Variants in MUC5AC observed in about 807,000 individuals in gnomAD.
MUC5AC encodes the protein mucin 5AC, oligomeric mucus/gel-forming.
In MUC5AC, 158 loss-of-function variants were observed where a neutral mutation model predicts 169.7. The observed-to-expected ratio is 0.93, with a 90% CI of 0.82 to 1.06. MUC5AC has a LOEUF of 1.06. MUC5AC is among the 50% of genes least tolerant of loss of function. MUC5AC has a pLI of 0.00. For missense variants in MUC5AC, 4,359 were observed against 3,089.9 expected, an observed-to-expected ratio of 1.41 and a Z score of -9.74; for synonymous variants, 1,975 against 1,237.0, an observed-to-expected ratio of 1.60 and a Z score of -12.52.
At chr11:1,159,664 C>G (rs982581222) in intron 1 of MUC5AC, among the ~76,000 whole-genome samples, 28 of 50,308 alleles carry the variant, frequency 5.6e-4, no homozygotes, top group Middle Eastern at 0.023. Flanking sequence ...GCGGGGCTGG[C>G]GTCTGGCCCC....
chr11:1,194,728 C>G (rs1861216626), intron 35 of MUC5AC, 58 bp downstream of exon 35: 1 of 698,212 alleles, frequency 1.4e-6, no homozygotes, highest in South Asian at 1.6e-5. Flanking sequence ...GGGTGCCGGG[C>G]AGGGGCGAGG....
chr11:1,160,600 C>T lies in MUC5AC; in HGVS notation c.74-12C>T. 1 of 1,604,260 alleles carries T rather than the reference C, an allele frequency of 6.2e-7. No individual in the cohort carries two copies. The highest frequency in any genetic ancestry group is 8.5e-7 in the Non-Finnish European group (1 of 1,178,242). On this transcript the variant is annotated splice_polypyrimidine_tract_variant and intron_variant, in intron 1 of 48. Coordinates refer to ENST00000621226, the MANE Select transcript of MUC5AC (RefSeq NM_001304359.2). ...CCTGCATCTGGGCTCAGCCCCCCTC[C>T]TCTTTCTGCAGGCCATGCCCAGGAT...
In MUC5AC at chr11:1,189,761, C is replaced by A; in HGVS notation, c.11616C>A (p.Ile3872=). Residue 3872 remains isoleucine (I), a synonymous_variant, in exon 31 of 49, where the codon ATC becomes ATA. Coordinates refer to ENST00000621226, the MANE Select transcript of MUC5AC (RefSeq NM_001304359.2). ...CCTCTGCTCCTACAGCCAGCACAAT[C>A]TCTGCCCCTACAACCAGCACAACCT... ...STTSAPTAST[I]SAPTTSTTSF... The A allele has an allele frequency of 3.0e-6, 2 of 677,612 alleles. No homozygotes were observed. Among genetic ancestry groups the A allele is most frequent in the Non-Finnish European group, 2.7e-6 (1 of 372,026 alleles). The allele number at this position is 677,612 out of a possible 1,614,324, so 42.0% of individuals were successfully genotyped here. A position where few individuals can be genotyped will look rare whatever the true frequency, so the allele number is the denominator to read the frequency against.
At position 1,160,670 on chromosome 11, in the gene MUC5AC, T is replaced by A. The variant is rs1413778174; in HGVS notation, c.132T>A (p.Pro44=). Residue 44 remains proline, a synonymous_variant, in exon 2 of 49, where the codon CCT becomes CCA. Transcript: ENST00000621226. ...SSYKHHPALS[P]IARGPSGVPL... The stretch of plus-strand genomic sequence containing the variant: ...ACAAGCACCACCCTGCCCTCTCTCC[T>A]ATCGCCCGGGGGCCCAGCGGTGAGT... 6.2e-7 allele frequency: 1 copy of A among 1,610,484 alleles called. No individual in the cohort carries two copies. The highest frequency in any genetic ancestry group is 1.7e-5 in the Admixed American group (1 of 59,952).
At chr11:1,179,409 TC>T (rs1247361968) in intron 26 of MUC5AC, among the ~76,000 whole-genome samples, 161 bp downstream of exon 26, 1 of 151,050 alleles carries the variant, frequency 6.6e-6, no homozygotes, top group Non-Finnish European at 1.5e-5. Flanking sequence ...GACAGAGGGG[TC>T]CCTGGCATGG....
chr11:1,185,600 C>T lies in MUC5AC; in HGVS notation c.7455C>T (p.Thr2485=). 1 of 729,392 alleles carries T rather than the reference C, an allele frequency of 1.4e-6. No homozygotes were observed. The highest frequency in any genetic ancestry group is 2.5e-6 in the Non-Finnish European group (1 of 399,690). 45.2% of individuals were successfully genotyped at this position (729,392 alleles called of 1,614,324 possible). Residue 2485 remains threonine, a synonymous_variant, in exon 31 of 49, where the codon ACC becomes ACT. Transcript: ENST00000621226. The stretch of plus-strand genomic sequence containing the variant: ...CCTCTGCCGCTACAACCAGCACAAC[C>T]TCTGGTCCTGAAACTACTCCTAGAC... ...STTSAATTST[T]SGPETTPRPV...
intron 1 of MUC5AC, 40 bp downstream of exon 1, chr11:1,158,112 G>T: frequency 6.5e-7 from 1 of 1,545,048 alleles, no homozygotes; most frequent in African/African-American, 1.4e-5. Flanking sequence ...GTCCTGGGTG[G>T]TGCGGTACTG....
chr11:1,195,101 G>T lies in MUC5AC; in HGVS notation c.15280G>T (p.Val5094Leu). ...SCSEMSGLWN[V>L]SIPDQPACHR... is the part of the protein sequence containing the mutation. ...CTCCGAGATGTCCGGCCTCTGGAAC[G>T]TGAGCATACCCGACCAGCCAGCCTG... The change falls in exon 36 of 49, where the codon GTG becomes TTG. Residue 5094 changes from valine (V) to leucine (L), a missense_variant. Transcript: ENST00000621226. 2 of 763,182 alleles carry T rather than the reference G, an allele frequency of 2.6e-6. No homozygotes were observed. The highest frequency in any genetic ancestry group is 1.7e-5 in the Admixed American group (1 of 58,820). The allele number at this position is 763,182 out of a possible 1,614,324, so 47.3% of individuals were successfully genotyped here. A position where few individuals can be genotyped will look rare whatever the true frequency, so the allele number is the denominator to read the frequency against.
chr11:1,190,776 T>A lies in MUC5AC; in HGVS notation c.12631T>A (p.Ser4211Thr). The change falls in exon 31 of 49, where the codon TCA becomes ACA. Residue 4211 changes from serine (S) to threonine (T), a missense_variant. By Grantham distance (58) the Ser-to-Thr change is moderately conservative. Coordinates refer to ENST00000621226, the MANE Select transcript of MUC5AC (RefSeq NM_001304359.2). ...CTCCACTCCACAGACCAGCAAAACC[T>A]CAGCTGCTACAAGCAGCACAACCTC... is the stretch of plus-strand genomic sequence containing the variant. ...TTSTPQTSKT[S>T]AATSSTTSGS... The A allele has an allele frequency of 9.9e-6, 7 of 709,176 alleles. No individual in the cohort carries two copies. The highest frequency in any genetic ancestry group is 1.8e-5 in the Non-Finnish European group (7 of 389,118). The allele number at this position is 709,176 out of a possible 1,614,324, so 43.9% of individuals were successfully genotyped here.
chr11:1,175,732 G>GCA (rs1288978247), intron 19 of MUC5AC, among the ~76,000 whole-genome samples: 3,931 of 110,136 alleles, frequency 0.036, 87 homozygotes, highest in Non-Finnish European at 0.057. Flanking sequence ...ACCCACTCAT[G>GCA]CACACACACC....
intron 43 of MUC5AC, among the ~76,000 whole-genome samples, chr11:1,198,656 G>T (rs1455576723): frequency 6.6e-6 from 1 of 152,170 alleles, no homozygotes; most frequent in Non-Finnish European, 1.5e-5. Flanking sequence ...CCAAGGGGGT[G>T]CAGCGTGGGG....
At chr11:1,193,160 C>T (rs1160398786) in intron 32 of MUC5AC, among the ~76,000 whole-genome samples, 178 bp downstream of exon 32, 1 of 152,250 alleles carries the variant, frequency 6.6e-6, no homozygotes, top group East Asian at 1.9e-4. Context: ...CCCTGGGCTT[C>T]CCAGGCACGT....
At position 1,158,024 on chromosome 11, in the gene MUC5AC, G is replaced by A. The variant is rs1371008683; in HGVS notation, c.25G>A (p.Ala9Thr). 1 of 1,606,576 alleles carries A rather than the reference G, an allele frequency of 6.2e-7. No individual in the cohort carries two copies. Among genetic ancestry groups the A allele is most frequent in the African/African-American group, 1.3e-5 (1 of 74,948 alleles). The stretch of plus-strand genomic sequence containing the variant: ...AATGAGTGTTGGCCGGAGGAAGCTG[G>A]CCCTGCTCTGGGCCCTGGCTCTCGC... MSVGRRKL[A>T]LLWALALALA... Residue 9 changes from alanine (A) to threonine (T), a missense_variant, in exon 1 of 49, where the codon GCC becomes ACC. Transcript: ENST00000621226.
Position 1,162,068 on chromosome 11 carries a change from A to G in MUC5AC, c.373A>G (p.Ser125Gly), listed in dbSNP as rs1860158592. ...GGATTTTAACATCCAGCTACGCCGC[A>G]GCCAGGAGTCAGCGGCCCCCACGCT... Reference protein sequence around the residue: ...YEDFNIQLRRSQESAAPTLSR... With the variant: ...YEDFNIQLRRGQESAAPTLSR... Residue 125 changes from serine to glycine, a missense_variant, in exon 4 of 49, where the codon AGC (serine) becomes GGC (glycine). Transcript: ENST00000621226. 1 of 1,612,554 alleles carries G rather than the reference A, an allele frequency of 6.2e-7. No individual in the cohort carries two copies. Among genetic ancestry groups the G allele is most frequent in the Middle Eastern group, 1.6e-4 (1 of 6,062 alleles).
intron 1 of MUC5AC, among the ~76,000 whole-genome samples, chr11:1,159,537 GCGGGGC>G (rs1860066549): frequency 4.1e-4 from 2 of 4,914 alleles, no homozygotes; most frequent in East Asian, 8.9e-3. Context: ...CTGGTTCTGT[GCGGGGC>G]TGTGCGGGGC....
chr11:1,162,563 C>G lies in MUC5AC; in HGVS notation c.505C>G (p.Leu169Val). The change falls in exon 5 of 49, where the codon CTC becomes GTC. Residue 169 changes from leucine to valine, a missense_variant. Leu to Val is a conservative substitution (Grantham distance 32, BLOSUM62 1). Transcript: ENST00000621226. Reference protein sequence around the residue: ...VLLPFSQSGVLIQQSSSYTKV... With the variant: ...VLLPFSQSGVVIQQSSSYTKV... ...GCTGCCCTTCAGCCAGTCTGGGGTC[C>G]TCATTCAGCAGAGCAGCAGCTACAC... 6.2e-7 allele frequency: 1 copy of G among 1,612,726 alleles called. No homozygotes were observed.
intron 11 of MUC5AC, 99 bp downstream of exon 11, chr11:1,165,859 G>A: frequency 6.5e-7 from 1 of 1,541,604 alleles, no homozygotes; most frequent in Non-Finnish European, 8.8e-7. Context: ...TGCTGCCCCT[G>A]GGGTCACCCT....
intron 34 of MUC5AC, 23 bp from the exon 35 acceptor site, chr11:1,194,464 C>G: frequency 1.4e-6 from 1 of 736,442 alleles, no homozygotes; most frequent in Non-Finnish European, 2.5e-6. Context: ...TCTGACTTCC[C>G]GTCGACCACG....
In MUC5AC at chr11:1,174,588, C is replaced by T. The variant is rs1453877690; in HGVS notation, c.2058C>T (p.Gly686=). 2.2e-5 allele frequency: 32 copies of T among 1,453,686 alleles called. No individual in the cohort carries two copies. The highest frequency in any genetic ancestry group is 1.8e-4 in the African/African-American group (13 of 71,290). 90.0% of individuals were successfully genotyped at this position (1,453,686 alleles called of 1,614,324 possible). ...ACGTGCACGCCTGTGCCGCCAAGGG[C>T]GTGCAGCTCGGCGGCTGGAGGGACG... is the stretch of plus-strand genomic sequence containing the variant. ...SSYVHACAAK[G]VQLGGWRDGV... The change falls in exon 17 of 49, where the codon GGC becomes GGT. Residue 686 remains glycine (G), a synonymous_variant. Transcript: ENST00000621226.
Sources: gnomAD v4.1 joint callset for allele counts (sites outside exome capture counted in the v4.1 genomes callset) on GRCh38, gnomAD v4.1.1 for gene constraint, MANE v1.5 for transcripts, NCBI Gene and HGNC (gene_info 2026-07-23, HGNC 2026-07-21) for gene names.